The following PYROXD2 variants were observed in gnomAD, a reference collection of about 807,000 sequenced individuals.
PYROXD2 encodes the protein pyridine nucleotide-disulfide oxidoreductase domain-containing protein 2.
Under a neutral mutation model 71.1 loss-of-function variants are expected in PYROXD2, and 69 were observed. The observed-to-expected ratio is 0.97, with a 90% CI of 0.80 to 1.19. PYROXD2 has a LOEUF of 1.19. Among genes scored for constraint, PYROXD2 ranks in the 50% most tolerant of loss-of-function variants. The pLI is 0.00. For synonymous variants in PYROXD2, 287 were observed against 302.7 expected (o/e 0.95, Z 0.54); for missense variants, 745 against 748.9 (o/e 0.99, Z 0.06).
intron 1 of PYROXD2, 44 bp from the exon 2 acceptor site, chr10:98,411,002 G>C (rs138464372): frequency 1.3e-6 from 2 of 1,554,654 alleles, no homozygotes; most frequent in Admixed American, 2.0e-5. Flanking sequence ...ACTGGTCAGC[G>C]GGCGGGCAGA....
intron 1 of PYROXD2, among the ~76,000 whole-genome samples, chr10:98,412,784 G>A (rs768855083): frequency 6.6e-6 from 1 of 152,064 alleles, no homozygotes; most frequent in Non-Finnish European, 1.5e-5. Flanking sequence ...AGACTCACTC[G>A]CACTTGTAGG....
intron 5 of PYROXD2, among the ~76,000 whole-genome samples, chr10:98,398,163 G>A (rs374889664): frequency 2.0e-5 from 3 of 152,140 alleles, no homozygotes; most frequent in African/African-American, 4.8e-5. Flanking sequence ...GATTACAGGC[G>A]TGAGCCGCCA....
chr10:98,412,769 C>T (rs1843832023), intron 1 of PYROXD2, among the ~76,000 whole-genome samples: 1 of 152,158 alleles, frequency 6.6e-6, no homozygotes, highest in Admixed American at 6.5e-5. Context: ...AAAGCTCACA[C>T]ACTGAGACTC....
intron 14 of PYROXD2, among the ~76,000 whole-genome samples, chr10:98,386,036 G>A (rs1250377990): frequency 6.6e-6 from 1 of 152,120 alleles, no homozygotes; most frequent in African/African-American, 2.4e-5. Flanking sequence ...CAGCACTTTG[G>A]GAGGCCAAGG....
intron 4 of PYROXD2, 86 bp from the exon 5 acceptor site, chr10:98,400,343 A>C: frequency 7.4e-7 from 1 of 1,342,796 alleles, no homozygotes; most frequent in Non-Finnish European, 1.0e-6. Context: ...TTGTGTGACC[A>C]TTTAGGTACC....
intron 5 of PYROXD2, among the ~76,000 whole-genome samples, chr10:98,398,998 G>A (rs1414276778): frequency 1.3e-5 from 2 of 151,992 alleles, no homozygotes; most frequent in South Asian, 2.1e-4. Flanking sequence ...TAACATAGCC[G>A]GGCATGGTGG....
intron 2 of PYROXD2, among the ~76,000 whole-genome samples, chr10:98,409,802 G>T (rs1187593859): frequency 2.6e-5 from 4 of 152,308 alleles, no homozygotes; most frequent in African/African-American, 9.6e-5. Context: ...ATCAGGCCGG[G>T]CGTGGTGGTT....
intron 2 of PYROXD2, among the ~76,000 whole-genome samples, chr10:98,410,021 C>T (rs574786154): frequency 6.6e-6 from 1 of 151,840 alleles, no homozygotes; most frequent in Non-Finnish European, 1.5e-5. Context: ...GAGGTTGCAG[C>T]GAGCCGAGAT....
intron 6 of PYROXD2, 77 bp from the exon 7 acceptor site, chr10:98,395,529 G>T: frequency 7.6e-7 from 1 of 1,311,180 alleles, no homozygotes; most frequent in Non-Finnish European, 1.1e-6. Context: ...GGGGATAAAA[G>T]CATGGAGGAT....
intron 12 of PYROXD2, 104 bp from the exon 13 acceptor site, chr10:98,388,612 T>G: frequency 1.7e-6 from 2 of 1,206,604 alleles, no homozygotes; most frequent in Non-Finnish European, 2.2e-6. Context: ...ATGACACCAA[T>G]TCTGGGCGAT....
intron 4 of PYROXD2, among the ~76,000 whole-genome samples, chr10:98,407,303 G>A (rs558507721): frequency 5.9e-5 from 9 of 152,344 alleles, no homozygotes; most frequent in African/African-American, 1.9e-4. Context: ...GCTTCAGATA[G>A]GTGTCCCACG....
intron 5 of PYROXD2, among the ~76,000 whole-genome samples, chr10:98,399,097 C>T (rs1843301002): frequency 6.6e-6 from 1 of 151,978 alleles, no homozygotes; most frequent in Non-Finnish European, 1.5e-5. Context: ...GCCAAGATCG[C>T]ACCACTGCAC....
Position 98,383,580 on chromosome 10 carries a change from AT to A in PYROXD2, c.*217del, listed in dbSNP as rs1162567485. 4 of 599,628 alleles carry A rather than the reference AT, an allele frequency of 6.7e-6. No homozygotes were observed. The highest frequency in any genetic ancestry group is 1.2e-5 in the Non-Finnish European group (4 of 336,110). 37.1% of individuals were successfully genotyped at this position (599,628 alleles called of 1,614,324 possible). A position where few individuals can be genotyped will look rare whatever the true frequency, so the allele number is the denominator to read the frequency against. On this transcript the variant is annotated 3_prime_UTR_variant, in exon 16 of 16. Transcript: ENST00000370575. Reference sequence around the variant, plus strand: ...ACAAGCAAAATAATCTGTATGAAATATTAGTTTTAATAAAACAGAACCAGTC... The same window carrying A: ...ACAAGCAAAATAATCTGTATGAAATATAGTTTTAATAAAACAGAACCAGTC...
intron 4 of PYROXD2, among the ~76,000 whole-genome samples, chr10:98,401,385 C>A (rs1309203698): frequency 7.9e-5 from 12 of 152,106 alleles, no homozygotes; most frequent in Admixed American, 7.9e-4. Flanking sequence ...TTGCTCTGGG[C>A]GAGTGAGTGG....
At chr10:98,407,068 TG>T (rs1843622182) in intron 4 of PYROXD2, among the ~76,000 whole-genome samples, 3 of 46,224 alleles carry the variant, frequency 6.5e-5, no homozygotes, top group African/African-American at 1.7e-4. Context: ...GGTGAAAGGG[TG>T]GGGGGCAGGG....
chr10:98,407,462 G>T, intron 4 of PYROXD2, 120 bp downstream of exon 4: 2 of 1,235,470 alleles, frequency 1.6e-6, no homozygotes, highest in Non-Finnish European at 2.3e-6. Flanking sequence ...GACTTGGGTG[G>T]AAGAGGGAGC....
intron 4 of PYROXD2, among the ~76,000 whole-genome samples, chr10:98,404,054 G>A (rs981347405): frequency 6.6e-6 from 1 of 152,210 alleles, no homozygotes; most frequent in African/African-American, 2.4e-5. Flanking sequence ...TCTTAATGGT[G>A]TTAAATCAAA....
At chr10:98,395,330 C>G in intron 7 of PYROXD2, 37 bp from the exon 8 acceptor site, 2 of 1,613,748 alleles carry the variant, frequency 1.2e-6, no homozygotes, top group South Asian at 1.1e-5. Flanking sequence ...GGCTTAGGAG[C>G]CTGGATGGGA....
At chr10:98,414,846 A>T in intron 1 of PYROXD2, 163 bp downstream of exon 1, 1 of 1,102,378 alleles carries the variant, frequency 9.1e-7, no homozygotes, top group South Asian at 1.9e-5. Context: ...TGCCAGATGG[A>T]AGGGCTTTCC....
Sources: gnomAD v4.1 joint callset for allele counts (sites outside exome capture counted in the v4.1 genomes callset) on GRCh38, gnomAD v4.1.1 for gene constraint, MANE v1.5 for transcripts, NCBI Gene and HGNC (gene_info 2026-07-23, HGNC 2026-07-21) for gene names.